The following GBF1 variants were observed in gnomAD, a reference collection of about 807,000 sequenced individuals.
GBF1 encodes the protein Golgi-specific brefeldin A-resistance guanine nucleotide exchange factor 1.
In GBF1, 114 loss-of-function variants were observed where a neutral mutation model predicts 210.5. The ratio of observed to expected loss-of-function variants is 0.54; its 90% CI spans 0.47 to 0.63. The LOEUF (loss-of-function observed/expected upper bound fraction) is 0.63, where lower values mean the gene tolerates loss of function less well. Among genes scored for constraint, GBF1 ranks in the 30% least tolerant of loss-of-function variants. GBF1 has a pLI of 0.00. For missense variants in GBF1, 1,851 were observed against 2,357.7 expected (o/e 0.79, Z 4.45); for synonymous variants, 850 against 889.2 (o/e 0.96, Z 0.78).
intron 3 of GBF1, among the ~76,000 whole-genome samples, chr10:102,315,210 T>A (rs1344125887): frequency 1.3e-5 from 2 of 152,214 alleles, no homozygotes; most frequent in Non-Finnish European, 2.9e-5. Flanking sequence ...AAGACTACTA[T>A]GTTCATGGTC....
chr10:102,359,540 C>T, intron 11 of GBF1, 105 bp downstream of exon 11: 2 of 785,314 alleles, frequency 2.5e-6, no homozygotes, highest in Non-Finnish European at 4.3e-6. Flanking sequence ...CTGCCTGTTG[C>T]TCCAAGTTCT....
chr10:102,367,076 C>G lies in GBF1; in HGVS notation c.2434-9C>G, dbSNP rs771654569. ...GGCATTGACACAGGCGGGATCTTTGCTTTTTCAGAATTGTAATGGCTCCCC... is the reference window on the plus strand; with the variant it reads ...GGCATTGACACAGGCGGGATCTTTGGTTTTTCAGAATTGTAATGGCTCCCC... On this transcript the variant is annotated splice_polypyrimidine_tract_variant and intron_variant, in intron 19 of 39. Transcript: ENST00000369983. 6.2e-7 allele frequency: 1 copy of G among 1,613,822 alleles called. No individual in the cohort carries two copies. Among genetic ancestry groups the G allele is most frequent in the Non-Finnish European group, 8.5e-7 (1 of 1,179,860 alleles).
chr10:102,310,921 C>T (rs900662160), intron 3 of GBF1, among the ~76,000 whole-genome samples: 1 of 152,340 alleles, frequency 6.6e-6, no homozygotes, highest in South Asian at 2.1e-4. Context: ...GAGCCTGATG[C>T]ATCCCGCTGG....
chr10:102,300,976 CTT>C (rs11413620), intron 3 of GBF1, among the ~76,000 whole-genome samples: 3 of 136,270 alleles, frequency 2.2e-5, no homozygotes. Context: ...ATTTTCTTTT[CTT>C]TTTTTTTTTT....
In GBF1 at chr10:102,294,852, C is replaced by CTA. The variant is rs2076789663; in HGVS notation, c.163+34739_163+34740dup. Among the ~76,000 whole-genome samples, 3 of 152,220 alleles carry CTA rather than the reference C, an allele frequency of 2.0e-5. No individual in the cohort carries two copies. The South Asian group carries it at 6.2e-4, about 32-fold the overall frequency. On this transcript the variant is annotated intron_variant, in intron 3 of 39. Coordinates refer to ENST00000369983, the MANE Select transcript of GBF1 (RefSeq NM_001377137.1). The stretch of plus-strand genomic sequence containing the variant: ...CCATATAGCCTAGATATGTAGTAGG[C>CTA]TATACCACGTAGGTTTGTGTAAGCA...
At chr10:102,260,493 T>TTTC (rs2073071049) in intron 3 of GBF1, among the ~76,000 whole-genome samples, 1 of 137,952 alleles carries the variant, frequency 7.2e-6, no homozygotes, top group African/African-American at 2.8e-5. Flanking sequence ...TTTTTTTTTT[T>TTTC]TTTTTTGAGG....
intron 23 of GBF1, 42 bp downstream of exon 23, chr10:102,368,874 G>A (rs2060053577): frequency 3.0e-6 from 4 of 1,355,392 alleles, no homozygotes; most frequent in Non-Finnish European, 4.2e-6. Context: ...CTCCAAAGGA[G>A]GACCTCTCTT....
At chr10:102,281,259 T>C (rs1364270287) in intron 3 of GBF1, among the ~76,000 whole-genome samples, 1 of 152,158 alleles carries the variant, frequency 6.6e-6, no homozygotes, top group Non-Finnish European at 1.5e-5. Context: ...AAATCAACTC[T>C]ATTGCAAGTC....
intron 3 of GBF1, among the ~76,000 whole-genome samples, chr10:102,321,435 T>C (rs1217143359): frequency 1.3e-5 from 2 of 152,260 alleles, no homozygotes; most frequent in African/African-American, 4.8e-5. Context: ...ACATCCCATT[T>C]ATTGAATGCT....
At chr10:102,322,515 A>C (rs1378798151) in intron 3 of GBF1, among the ~76,000 whole-genome samples, 1 of 152,080 alleles carries the variant, frequency 6.6e-6, no homozygotes, top group African/African-American at 2.4e-5. Context: ...CTTTTATCTC[A>C]CCTAAAACTG....
rs2059945902 is a variant in GBF1 at position 102,366,908 on chromosome 10, G to C, written c.2434-177G>C. 6.6e-6 allele frequency among the ~76,000 whole-genome samples: 1 copy of C among 152,014 alleles called. No individual in the cohort carries two copies. The highest frequency in any genetic ancestry group is 1.5e-5 in the Non-Finnish European group (1 of 68,002). ...GCCTGCTGTCTCTTAAAAAGTCAGA[G>C]AGCAAAATTAGTGACCTTTCCACAA... On this transcript the variant is annotated intron_variant, in intron 19 of 39. Transcript: ENST00000369983. This position sits in a 1 kb window ranked among gnomAD's most constrained non-coding sequence, Gnocchi z 4.0.
intron 3 of GBF1, among the ~76,000 whole-genome samples, chr10:102,326,218 T>A (rs2056886459): frequency 6.6e-6 from 1 of 152,244 alleles, no homozygotes. Context: ...AACTTGCTTC[T>A]AAATTGGAAT....
chr10:102,319,604 A>T (rs548501242), intron 3 of GBF1, among the ~76,000 whole-genome samples: 1 of 151,788 alleles, frequency 6.6e-6, no homozygotes, highest in Admixed American at 6.6e-5. Flanking sequence ...TCTATTCTGT[A>T]TTGGTTACTG....
At chr10:102,304,989 A>AAAAG (rs141632616) in intron 3 of GBF1, among the ~76,000 whole-genome samples, 11 of 148,814 alleles carry the variant, frequency 7.4e-5, no homozygotes, top group African/African-American at 2.7e-4. Flanking sequence ...CTCTTAAAAA[A>AAAAG]AAAGAAAGAA....
At chr10:102,233,278 G>A in the GBF1 span, among the ~76,000 whole-genome samples, 40,709 of 145,902 alleles carry the variant, frequency 0.28, 6,704 homozygotes, top group African/African-American at 0.44. Context: ...TTTCGTTTAC[G>A]ACTTCTTTCT....
intron 3 of GBF1, among the ~76,000 whole-genome samples, chr10:102,317,101 C>CCTTT (rs2078997803): frequency 6.6e-6 from 1 of 151,028 alleles, no homozygotes; most frequent in African/African-American, 2.4e-5. Context: ...CCAGTGCCCC[C>CCTTT]TTTTTTTTTC....
the GBF1 span, chr10:102,230,862 G>A: frequency 6.2e-7 from 1 of 1,601,502 alleles, no homozygotes; most frequent in East Asian, 2.3e-5. Flanking sequence ...GTGGCGAGAA[G>A]ACGGGCTGCG....
At chr10:102,281,691 G>A (rs1387312361) in intron 3 of GBF1, among the ~76,000 whole-genome samples, 3 of 151,022 alleles carry the variant, frequency 2.0e-5, no homozygotes, top group African/African-American at 7.3e-5. Flanking sequence ...AGTTTCCCCT[G>A]TTATTAACAT....
At chr10:102,236,734 A>G in the GBF1 span, among the ~76,000 whole-genome samples, 9 of 152,264 alleles carry the variant, frequency 5.9e-5, no homozygotes, top group Non-Finnish European at 1.3e-4. Flanking sequence ...GACCAGGGAC[A>G]TAGTGAGAGC....
Sources: gnomAD v4.1 joint callset for allele counts (sites outside exome capture counted in the v4.1 genomes callset) on GRCh38, gnomAD v4.1.1 for gene constraint, Gnocchi (gnomAD v3.1) non-coding constraint, MANE v1.5 for transcripts, NCBI Gene and HGNC (gene_info 2026-07-23, HGNC 2026-07-21) for gene names.